CAAP1: variants seen among roughly 807,000 people sequenced by gnomAD.
CAAP1 encodes the protein conserved anti-apoptotic protein.
CAAP1 carries 20 observed loss-of-function variants against 34.0 expected under a neutral mutation model. That is an observed-to-expected ratio of 0.59 (90% confidence interval 0.41 to 0.86). The LOEUF (loss-of-function observed/expected upper bound fraction) is 0.86. CAAP1 is among the 40% of genes least tolerant of loss of function. CAAP1 has a pLI of 0.00. For synonymous variants in CAAP1, 213 were observed against 166.7 expected (o/e 1.28, Z -2.14); for missense variants, 538 against 450.5 (o/e 1.19, Z -1.76).
At chr9:26,884,033 C>T (rs1823665140) in intron 4 of CAAP1, among the ~76,000 whole-genome samples, 1 of 152,198 alleles carries the variant, frequency 6.6e-6, no homozygotes. Flanking sequence ...CCTCTTCTTA[C>T]GTGTACTACT....
At chr9:26,866,925 G>A (rs12349047) in intron 4 of CAAP1, among the ~76,000 whole-genome samples, 1 of 152,142 alleles carries the variant, frequency 6.6e-6, no homozygotes, top group South Asian at 2.1e-4. Context: ...CTGGGCCACA[G>A]ATCGGTACCA....
chr9:26,856,485 C>A lies in CAAP1; in HGVS notation c.739+4581G>T, dbSNP rs548980816. Among the ~76,000 whole-genome samples, 8 of 152,266 alleles carry A rather than the reference C, an allele frequency of 5.3e-5. No individual in the cohort carries two copies. The East Asian group carries it at 1.2e-3, about 22-fold the overall frequency. ...GGAAAACAGTTATTAACCATTCTTC[C>A]TAAGTACAAACAATGCACTAGGCAC... is the stretch of plus-strand genomic sequence containing the variant. On this transcript the variant is annotated intron_variant, in intron 5 of 5. Transcript: ENST00000333916.
At chr9:26,889,577 G>C (rs537974733) in intron 1 of CAAP1, among the ~76,000 whole-genome samples, 2 of 151,862 alleles carry the variant, frequency 1.3e-5, no homozygotes, top group South Asian at 4.2e-4. Context: ...GAACTCGGCC[G>C]GGCAGAGTGG....
At chr9:26,862,668 A>G (rs1479439284) in intron 4 of CAAP1, among the ~76,000 whole-genome samples, 1 of 152,204 alleles carries the variant, frequency 6.6e-6, no homozygotes, top group African/African-American at 2.4e-5. Context: ...CTAAAGAGCC[A>G]AGACAATTAA....
intron 4 of CAAP1, chr9:26,870,039 CTTTTTTT>C (rs555433697): frequency 3.2e-5 from 9 of 277,668 alleles, no homozygotes; most frequent in Non-Finnish European, 3.1e-5. Context: ...GAAAGAATAA[CTTTTTTT>C]TTTTTTTTTT....
Position 26,892,523 on chromosome 9 carries a change from T to C in CAAP1, c.193A>G (p.Thr65Ala), listed in dbSNP as rs998801037. ...CAGCTGCCGCCGCTCCCACCGCCGG[T>C]GACACTTCCACTAAAATTGGCGTTC... Reference protein sequence around the residue: ...CGNANFSGSVTGGGSGGSCWG... With the variant: ...CGNANFSGSVAGGGSGGSCWG... The change falls in exon 1 of 6, where the codon ACC (threonine) becomes GCC (alanine). Residue 65 changes from threonine to alanine, a missense_variant. Physicochemically the swap from Thr to Ala is moderately conservative, Grantham distance 58. Around this residue, in one of 3 missense-constraint regions of CAAP1, gnomAD observed 514 missense variants for 408.4 expected, o/e 1.26. Coordinates refer to ENST00000333916, the MANE Select transcript of CAAP1 (RefSeq NM_024828.4). 1 of 1,572,928 alleles carries C rather than the reference T, an allele frequency of 6.4e-7. No homozygotes were observed. Among genetic ancestry groups the C allele is most frequent in the African/African-American group, 1.4e-5 (1 of 73,998 alleles).
chr9:26,863,348 C>T (rs1210570068), intron 4 of CAAP1, among the ~76,000 whole-genome samples: 1 of 152,020 alleles, frequency 6.6e-6, no homozygotes, highest in African/African-American at 2.4e-5. Flanking sequence ...GAAAAAAAAT[C>T]CCAGAAAGTC....
chr9:26,871,157 T>C (rs1823266120), intron 4 of CAAP1, among the ~76,000 whole-genome samples: 1 of 152,230 alleles, frequency 6.6e-6, no homozygotes, highest in African/African-American at 2.4e-5. Context: ...TATTTATACA[T>C]ACATATTCAG....
intron 5 of CAAP1, among the ~76,000 whole-genome samples, chr9:26,852,541 T>C (rs1822777394): frequency 6.6e-6 from 1 of 151,980 alleles, no homozygotes; most frequent in African/African-American, 2.4e-5. Flanking sequence ...TCATAGATAA[T>C]GGAGATAATC....
intron 5 of CAAP1, among the ~76,000 whole-genome samples, chr9:26,847,889 C>T (rs1417155270): frequency 2.6e-5 from 4 of 151,976 alleles, no homozygotes; most frequent in African/African-American, 7.3e-5. Context: ...AAGTATCCCT[C>T]TTCTGTCACT....
chr9:26,869,381 T>C (rs1249722141), intron 4 of CAAP1, among the ~76,000 whole-genome samples: 1 of 152,150 alleles, frequency 6.6e-6, no homozygotes. Context: ...AATTCACCAA[T>C]CTTTGGATAT....
At position 26,884,836 on chromosome 9, in the gene CAAP1, A is replaced by C. The variant is rs1391522171; in HGVS notation, c.639T>G (p.Ser213=). 1 of 1,609,562 alleles carries C rather than the reference A, an allele frequency of 6.2e-7. No individual in the cohort carries two copies. The highest frequency in any genetic ancestry group is 2.2e-5 in the East Asian group (1 of 44,774). ...GACTGACTAAATCAGATCCCATCTT[A>C]GAACCATCATCTGCTTCCTCTTCCA... ...SDMEEEADDG[S]KMGSDLVSQQ... is the part of the protein sequence containing the mutation. The change falls in exon 4 of 6, where the codon TCT becomes TCG. Residue 213 remains serine (S), a synonymous_variant. Transcript: ENST00000333916.
chr9:26,871,853 G>A (rs988344459), intron 4 of CAAP1, among the ~76,000 whole-genome samples: 1 of 151,920 alleles, frequency 6.6e-6, no homozygotes, highest in African/African-American at 2.4e-5. Flanking sequence ...GGCGGAGGTT[G>A]CAGTGAGCCA....
chr9:26,863,772 TAAAAA>T (rs57763346), intron 4 of CAAP1, among the ~76,000 whole-genome samples: 2 of 111,992 alleles, frequency 1.8e-5, no homozygotes, highest in Non-Finnish European at 3.6e-5. Context: ...CCGTTTAAAT[TAAAAA>T]AAAAAAAAAA....
intron 3 of CAAP1, 21 bp downstream of exon 3, chr9:26,886,083 T>G (rs1342459643): frequency 7.7e-7 from 1 of 1,303,734 alleles, no homozygotes; most frequent in South Asian, 1.5e-5. Flanking sequence ...GTTGCCAGAA[T>G]GTAAAAATAT....
intron 2 of CAAP1, among the ~76,000 whole-genome samples, chr9:26,886,528 T>C: frequency 6.6e-6 from 1 of 152,246 alleles, no homozygotes. Context: ...TTTAGATATA[T>C]GATCTCAGGC....
At chr9:26,885,243 A>G (rs1823708135) in intron 3 of CAAP1, among the ~76,000 whole-genome samples, 1 of 151,448 alleles carries the variant, frequency 6.6e-6, no homozygotes, top group Non-Finnish European at 1.5e-5. Flanking sequence ...CGCCCGGCTA[A>G]TTTTTGTATT....
intron 5 of CAAP1, among the ~76,000 whole-genome samples, chr9:26,848,545 T>C (rs1048881227): frequency 1.3e-5 from 2 of 152,190 alleles, no homozygotes; most frequent in Admixed American, 1.3e-4. Context: ...CTTATATGTT[T>C]GTTTACTTTC....
chr9:26,850,288 C>G (rs1242693772), intron 5 of CAAP1, among the ~76,000 whole-genome samples: 3 of 152,206 alleles, frequency 2.0e-5, no homozygotes, highest in Non-Finnish European at 4.4e-5. Context: ...AAAACTCTCT[C>G]TCTCACACAC....
Sources: allele counts gnomAD v4.1 joint callset (sites outside exome capture counted in the v4.1 genomes callset), GRCh38; gene constraint gnomAD v4.1.1; regional missense constraint gnomAD v4.1.1; transcripts MANE v1.5; gene names NCBI Gene and HGNC (gene_info 2026-07-23, HGNC 2026-07-21).